OR56A3: variants seen among roughly 807,000 people sequenced by gnomAD.
OR56A3 encodes the protein olfactory receptor family 56 subfamily A member 3.
A neutral mutation model predicts 17.5 loss-of-function variants in OR56A3; 23 were observed. That is an observed-to-expected ratio of 1.32 (90% CI 0.95 to 1.87). The LOEUF (loss-of-function observed/expected upper bound fraction) is 1.87. Ranked by LOEUF, OR56A3 falls within the 40% of genes most tolerant of loss-of-function variation. The pLI is 0.00. For synonymous variants in OR56A3, 175 were observed against 150.6 expected, an observed-to-expected ratio of 1.16 and a Z score of -1.19; for missense variants, 366 against 380.1, an observed-to-expected ratio of 0.96 and a Z score of 0.31.
chr11:5,947,179 T>G (rs1847874971), intron 2 of OR56A3, 132 bp from the exon 3 acceptor site: 2 of 630,862 alleles, frequency 3.2e-6, no homozygotes, highest in South Asian at 4.0e-5. Context: ...GACATGACAC[T>G]GAGGAAAAAC....
At chr11:5,974,564 A>T in the OR56A3 span, among the ~76,000 whole-genome samples, 10 of 152,244 alleles carry the variant, frequency 6.6e-5, no homozygotes, top group Non-Finnish European at 1.5e-4. Flanking sequence ...GAGAATGTGG[A>T]TAACTAACTT....
chr11:6,004,796 C>G, the OR56A3 span, among the ~76,000 whole-genome samples: 1 of 152,128 alleles, frequency 6.6e-6, no homozygotes. Flanking sequence ...TCAAGTATAG[C>G]TACTCTGAAT....
chr11:6,014,398 T>C, the OR56A3 span, among the ~76,000 whole-genome samples: 3 of 152,212 alleles, frequency 2.0e-5, no homozygotes, highest in South Asian at 6.2e-4. Context: ...TAGTCAATAG[T>C]TATCATAAGA....
chr11:6,000,811 A>G, the OR56A3 span: 1 of 152,202 alleles, frequency 6.6e-6, no homozygotes, highest in Non-Finnish European at 1.5e-5. Flanking sequence ...ATAAGTCGAA[A>G]GTATGTTAGG....
the OR56A3 span, chr11:6,003,093 T>A: frequency 6.2e-7 from 1 of 1,607,752 alleles, no homozygotes; most frequent in South Asian, 1.1e-5. Context: ...AGAGTGTGGG[T>A]TTCCACTGAG....
chr11:5,977,624 G>C, the OR56A3 span, among the ~76,000 whole-genome samples: 2 of 152,200 alleles, frequency 1.3e-5, no homozygotes. Flanking sequence ...ACCTTAGTCA[G>C]ATGCATAGTT....
At chr11:5,968,475 T>C in the OR56A3 span, 2 of 1,555,436 alleles carry the variant, frequency 1.3e-6, no homozygotes, top group South Asian at 1.2e-5. Flanking sequence ...GGAAGTGGAG[T>C]TGTTGCTGGG....
the OR56A3 span, chr11:5,967,648 G>A: frequency 1.2e-6 from 2 of 1,613,970 alleles, no homozygotes; most frequent in Non-Finnish European, 1.7e-6. Flanking sequence ...ATAAGGTGGT[G>A]CAGGATGTTG....
the OR56A3 span, among the ~76,000 whole-genome samples, chr11:6,015,080 C>T: frequency 2.7e-5 from 4 of 147,488 alleles, no homozygotes; most frequent in East Asian, 8.5e-4. Flanking sequence ...AAATTTGCAG[C>T]CTGGCCATGT....
At chr11:5,986,735 T>G in the OR56A3 span, 13 of 1,613,832 alleles carry the variant, frequency 8.1e-6, no homozygotes, top group Non-Finnish European at 1.0e-5. Context: ...ATCCAGATGA[T>G]GAAGAGAATG....
At chr11:5,981,360 C>T in the OR56A3 span, among the ~76,000 whole-genome samples, 2 of 152,104 alleles carry the variant, frequency 1.3e-5, no homozygotes, top group South Asian at 2.1e-4. Context: ...GCATTTATTC[C>T]TTTTTATTCT....
the OR56A3 span, among the ~76,000 whole-genome samples, chr11:5,972,787 C>G: frequency 6.6e-6 from 1 of 152,286 alleles, no homozygotes; most frequent in East Asian, 1.9e-4. Flanking sequence ...TGCCACCACG[C>G]CCAGCTAATT....
At chr11:6,021,905 T>C in the OR56A3 span, 1 of 152,182 alleles carries the variant, frequency 6.6e-6, no homozygotes. Flanking sequence ...GCTAACTGAA[T>C]TCTACACTTC....
the OR56A3 span, among the ~76,000 whole-genome samples, chr11:5,965,070 A>G: frequency 6.6e-6 from 1 of 152,224 alleles, no homozygotes; most frequent in African/African-American, 2.4e-5. Context: ...ATGGGAGGAA[A>G]AAATTATCCA....
chr11:5,999,449 A>C, the OR56A3 span: 1 of 152,232 alleles, frequency 6.6e-6, no homozygotes, highest in Non-Finnish European at 1.5e-5. Context: ...TTTTCAAGGT[A>C]ATTAAGCCAG....
At chr11:5,958,926 C>T in the OR56A3 span, among the ~76,000 whole-genome samples, 1 of 152,206 alleles carries the variant, frequency 6.6e-6, no homozygotes, top group Admixed American at 6.5e-5. Context: ...ATAATGCCTT[C>T]CAGGCTCATA....
chr11:5,947,967 C>T lies in OR56A3; in HGVS notation c.621C>T (p.Gly207=). 1 of 1,614,198 alleles carries T rather than the reference C, an allele frequency of 6.2e-7. No individual in the cohort carries two copies. The part of the protein sequence containing the change: ...TINHLYQFAG[G]WTLLGSDLIL... Reference sequence around the variant, plus strand: ...ATCACCTTTACCAATTTGCTGGAGGCTGGACTCTGCTAGGATCTGACCTCA... The same window carrying T: ...ATCACCTTTACCAATTTGCTGGAGGTTGGACTCTGCTAGGATCTGACCTCA... The change falls in exon 3 of 3, where the codon GGC becomes GGT. Residue 207 remains glycine, a synonymous_variant. Transcript: ENST00000641160.
chr11:5,974,375 G>A, the OR56A3 span, among the ~76,000 whole-genome samples: 1 of 152,050 alleles, frequency 6.6e-6, no homozygotes, highest in Non-Finnish European at 1.5e-5. Context: ...AAAGTGCTAG[G>A]ATTACAGGCA....
the OR56A3 span, among the ~76,000 whole-genome samples, chr11:5,973,222 G>C: frequency 6.6e-6 from 1 of 152,152 alleles, no homozygotes; most frequent in South Asian, 2.1e-4. Flanking sequence ...AGGGATAAGA[G>C]ATTATGGTCC....
Sources: allele counts gnomAD v4.1 joint callset (sites outside exome capture counted in the v4.1 genomes callset), GRCh38; gene constraint gnomAD v4.1.1; transcripts MANE v1.5; gene names NCBI Gene and HGNC (gene_info 2026-07-23, HGNC 2026-07-21).